The following KCNH8 variants were observed in gnomAD, a reference collection of about 807,000 sequenced individuals.
KCNH8 encodes the protein potassium voltage-gated channel subfamily H member 8.
In KCNH8, 70 loss-of-function variants were observed where a neutral mutation model predicts 103.6. The ratio of observed to expected loss-of-function variants is 0.68; its 90% confidence interval spans 0.56 to 0.82. The LOEUF is 0.82. Ranked by LOEUF, KCNH8 falls within the 40% of genes least tolerant of loss-of-function variation. KCNH8 has a pLI of 0.00. For missense variants in KCNH8, 1,217 were observed against 1,329.9 expected (o/e 0.92, Z 1.32); for synonymous variants, 498 against 489.4 (o/e 1.02, Z -0.23).
At chr3:19,378,028 G>A (rs781700673) in intron 5 of KCNH8, among the ~76,000 whole-genome samples, 1 of 152,080 alleles carries the variant, frequency 6.6e-6, no homozygotes, top group Non-Finnish European at 1.5e-5. Flanking sequence ...AGTAGGGAGA[G>A]GTATATGTGT....
intron 2 of KCNH8, among the ~76,000 whole-genome samples, chr3:19,274,548 C>T (rs1039757628): frequency 1.3e-5 from 2 of 152,040 alleles, no homozygotes; most frequent in African/African-American, 2.4e-5. Flanking sequence ...TTTCTTAAAG[C>T]AAGTATTAGT....
chr3:19,370,104 G>A (rs2066067384), intron 5 of KCNH8, among the ~76,000 whole-genome samples: 1 of 151,984 alleles, frequency 6.6e-6, no homozygotes, highest in African/African-American at 2.4e-5. Flanking sequence ...CTTGATAACT[G>A]TTATTAATCC....
intron 1 of KCNH8, among the ~76,000 whole-genome samples, chr3:19,248,423 A>G (rs1305786731): frequency 6.6e-6 from 1 of 152,188 alleles, no homozygotes; most frequent in African/African-American, 2.4e-5. Context: ...AAAGTGACAT[A>G]GAGTTTGCTA....
At chr3:19,515,127 C>T (rs574106698) in intron 13 of KCNH8, among the ~76,000 whole-genome samples, 195 bp from the exon 14 acceptor site, 8 of 151,560 alleles carry the variant, frequency 5.3e-5, no homozygotes, top group South Asian at 4.2e-4. Context: ...TTAATTCTTA[C>T]GGCACATCTC....
chr3:19,386,656 G>T (rs2125128257), intron 5 of KCNH8, among the ~76,000 whole-genome samples: 1 of 152,040 alleles, frequency 6.6e-6, no homozygotes, highest in South Asian at 2.1e-4. Flanking sequence ...ATATTAACAA[G>T]AAAATTACAT....
intron 2 of KCNH8, among the ~76,000 whole-genome samples, chr3:19,263,414 C>A (rs2064462567): frequency 6.6e-6 from 1 of 152,052 alleles, no homozygotes; most frequent in Admixed American, 6.6e-5. Context: ...CCATGGGTGA[C>A]TAATTCTTCT....
intron 4 of KCNH8, among the ~76,000 whole-genome samples, chr3:19,343,122 G>A (rs974417326): frequency 3.9e-5 from 6 of 151,904 alleles, no homozygotes; most frequent in Non-Finnish European, 8.8e-5. Flanking sequence ...TTCTACAAAT[G>A]CTTTTATCCA....
At chr3:19,232,129 T>A (rs936946419) in intron 1 of KCNH8, among the ~76,000 whole-genome samples, 8 of 152,216 alleles carry the variant, frequency 5.3e-5, no homozygotes, top group Non-Finnish European at 2.9e-5. Flanking sequence ...GTTTTTTTCC[T>A]TTTCAAAGAA....
chr3:19,395,289 C>T lies in KCNH8; in HGVS notation c.1155C>T (p.Asn385=), dbSNP rs2066498510. 6.2e-7 allele frequency: 1 copy of T among 1,610,586 alleles called. No homozygotes were observed. The highest frequency in any genetic ancestry group is 2.2e-5 in the East Asian group (1 of 44,720). ...TTGGAAAAATGGAGAGGGAAGACAA[C>T]AGCCTTCTGAAGTGGGAAGTTGGTA... ...YVIGKMERED[N]SLLKWEVGWL... is the part of the protein sequence containing the mutation. Residue 385 remains asparagine (N), a synonymous_variant, in exon 7 of 16, where the codon AAC becomes AAT. Coordinates refer to ENST00000328405, the MANE Select transcript of KCNH8 (RefSeq NM_144633.3).
At chr3:19,500,277 A>T (rs1230569490) in intron 11 of KCNH8, among the ~76,000 whole-genome samples, 6 of 152,140 alleles carry the variant, frequency 3.9e-5, no homozygotes, top group African/African-American at 9.7e-5. Context: ...AGCACCCAGA[A>T]TCATAAAGCA....
At chr3:19,201,737 C>T (rs781649081) in intron 1 of KCNH8, among the ~76,000 whole-genome samples, 1 of 152,080 alleles carries the variant, frequency 6.6e-6, no homozygotes, top group Non-Finnish European at 1.5e-5. Flanking sequence ...ATTGAATTAT[C>T]AGTCCAAGAC....
intron 4 of KCNH8, among the ~76,000 whole-genome samples, chr3:19,343,574 C>G (rs546901942): frequency 1.3e-5 from 2 of 152,146 alleles, no homozygotes; most frequent in South Asian, 4.1e-4. Flanking sequence ...AGATTAAATA[C>G]CAGCATCTAA....
rs531600393 is a variant in KCNH8 at position 19,487,110 on chromosome 3, C to T, written c.2041-23253C>T. Among the ~76,000 whole-genome samples the T allele has an allele frequency of 2.5e-3, 379 of 152,256 alleles. 1 individual carries two copies. The highest frequency in any genetic ancestry group is 8.7e-3 in the African/African-American group (360 of 41,548). ...AACTTTTGCAGGTCTTGAGCCAGGG[C>T]CTCCCTGAAGATAGTAGGGGAGTTC... On this transcript the variant is annotated intron_variant, in intron 11 of 15. Coordinates refer to ENST00000328405, the MANE Select transcript of KCNH8 (RefSeq NM_144633.3).
chr3:19,483,723 C>A (rs1226066786), intron 11 of KCNH8, among the ~76,000 whole-genome samples: 1 of 152,098 alleles, frequency 6.6e-6, no homozygotes, highest in Non-Finnish European at 1.5e-5. Flanking sequence ...TAAACTTTTC[C>A]TGAAACTAAG....
chr3:19,252,520 G>A (rs570628322), intron 1 of KCNH8, among the ~76,000 whole-genome samples: 2 of 151,870 alleles, frequency 1.3e-5, no homozygotes, highest in African/African-American at 4.8e-5. Context: ...CTCCTGAGTA[G>A]CTGGGATTAC....
chr3:19,265,900 C>T (rs2064502992), intron 2 of KCNH8, among the ~76,000 whole-genome samples: 1 of 152,080 alleles, frequency 6.6e-6, no homozygotes, highest in South Asian at 2.1e-4. Flanking sequence ...TTTACACAAT[C>T]ACTGGCACCA....
chr3:19,188,226 G>C (rs1343851441), intron 1 of KCNH8, among the ~76,000 whole-genome samples: 3 of 152,040 alleles, frequency 2.0e-5, no homozygotes, highest in Non-Finnish European at 4.4e-5. Context: ...GCTTTAAAAT[G>C]TAACTTTTAT....
chr3:19,163,684 C>G (rs1028658527), intron 1 of KCNH8, among the ~76,000 whole-genome samples: 1 of 152,244 alleles, frequency 6.6e-6, no homozygotes, highest in African/African-American at 2.4e-5. Context: ...TTGAATTGCG[C>G]GAGTCCACTT....
intron 15 of KCNH8, among the ~76,000 whole-genome samples, chr3:19,523,421 T>C (rs774783965): frequency 1.3e-5 from 2 of 151,976 alleles, no homozygotes; most frequent in Non-Finnish European, 2.9e-5. Flanking sequence ...TTACTGTTTC[T>C]AACATATTGA....
Sources: gnomAD v4.1 joint callset for allele counts (sites outside exome capture counted in the v4.1 genomes callset) on GRCh38, gnomAD v4.1.1 for gene constraint, MANE v1.5 for transcripts, NCBI Gene and HGNC (gene_info 2026-07-23, HGNC 2026-07-21) for gene names.